Variants in MYO18B observed in about 807,000 individuals in gnomAD.
The protein encoded by MYO18B is myosin XVIIIB, also known as unconventional myosin-XVIIIb.
Under a neutral mutation model 273.0 loss-of-function variants are expected in MYO18B, and 204 were observed. The ratio of observed to expected loss-of-function variants is 0.75; its 90% CI spans 0.67 to 0.84. The LOEUF is 0.84. Among genes scored for constraint, MYO18B ranks in the 40% least tolerant of loss-of-function variants. MYO18B has a pLI of 0.00. For missense variants in MYO18B, 3,212 were observed against 3,287.6 expected (o/e 0.98, Z 0.56); for synonymous variants, 1,330 against 1,305.7 (o/e 1.02, Z -0.40).
In MYO18B at chr22:26,027,050, C is replaced by T. The variant is rs746195236; in HGVS notation, c.7076C>T (p.Pro2359Leu). The change falls in exon 43 of 44, where the codon CCG (proline) becomes CTG (leucine). Residue 2359 changes from proline (P) to leucine (L), a missense_variant. Physicochemically the swap from Pro to Leu is moderately conservative, Grantham distance 98 (BLOSUM62 -3). Coordinates refer to ENST00000335473, the MANE Select transcript of MYO18B (RefSeq NM_032608.7). This position sits in a 1 kb window ranked among gnomAD's most constrained non-coding sequence, Gnocchi z 4.1. ...SSCESLLESR[P>L]SMGRKLSSPT... The stretch of plus-strand genomic sequence containing the variant: ...TGCGAGTCCCTCTTAGAATCCAGAC[C>T]GAGCATGGGGAGAAAACTGAGCTCT... 1.8e-5 allele frequency: 29 copies of T among 1,613,866 alleles called. No homozygotes were observed. In the Middle Eastern group the frequency reaches 4.9e-4, roughly 27 times the overall value.
intron 40 of MYO18B, among the ~76,000 whole-genome samples, chr22:25,998,526 C>T (rs999009333): frequency 3.3e-5 from 5 of 152,220 alleles, no homozygotes; most frequent in South Asian, 2.1e-4. Flanking sequence ...CATTTTCCAA[C>T]GTACATCCTT....
At chr22:25,807,723 G>A (rs5752217) in intron 12 of MYO18B, among the ~76,000 whole-genome samples, 10,010 of 152,112 alleles carry the variant, frequency 0.066, 575 homozygotes, top group East Asian at 0.21. Flanking sequence ...GGTAAGAATC[G>A]TGTCACAATT....
chr22:26,006,463 TG>T, intron 42 of MYO18B: 1 of 317,870 alleles, frequency 3.1e-6, no homozygotes, highest in Non-Finnish European at 6.4e-6. Context: ...ATCAGTGTTC[TG>T]GCTGCTTCCA....
At position 25,978,885 on chromosome 22, in the gene MYO18B, T is replaced by A. The variant is rs532179819; in HGVS notation, c.6157-13478T>A. ...TTGCTTGAATCTGGGAGGCAGAGGT[T>A]GCAGTGAGCCGAGATTGCTTCACTG... On this transcript the variant is annotated intron_variant, in intron 39 of 43. Coordinates refer to ENST00000335473, the MANE Select transcript of MYO18B (RefSeq NM_032608.7). Among the ~76,000 whole-genome samples, 8 of 152,300 alleles carry A rather than the reference T, an allele frequency of 5.3e-5. No homozygotes were observed. The East Asian group carries it at 1.5e-3, about 29-fold the overall frequency.
intron 32 of MYO18B, among the ~76,000 whole-genome samples, chr22:25,910,725 G>A (rs751767517): frequency 6.6e-6 from 1 of 152,158 alleles, no homozygotes; most frequent in Non-Finnish European, 1.5e-5. Context: ...AGGGCAAGGG[G>A]TTCCCCATCA....
rs747371618 is a variant in MYO18B, at chr22:25,868,379, C to T, written c.3945C>T (p.His1315=). ...DLEKKAVAVG[H]SQVFLKAGVI... ...AAAAGAAGGCGGTGGCTGTGGGGCA[C>T]AGCCAAGTGAGTAGAGCTGCTTTCT... Residue 1315 remains histidine (H), a synonymous_variant, in exon 22 of 44, where the codon CAC becomes CAT. Transcript: ENST00000335473. 4.4e-6 allele frequency: 7 copies of T among 1,596,946 alleles called. No homozygotes were observed. The highest frequency in any genetic ancestry group is 6.0e-6 in the Non-Finnish European group (7 of 1,171,628).
intron 42 of MYO18B, among the ~76,000 whole-genome samples, chr22:26,005,639 G>T (rs1410882944): frequency 6.6e-6 from 1 of 152,164 alleles, no homozygotes; most frequent in African/African-American, 2.4e-5. Context: ...AGAAATTATG[G>T]ATTAAGATAT....
chr22:25,958,811 A>G lies in MYO18B; in HGVS notation c.6156+3447A>G, dbSNP rs2092884151. Among the ~76,000 whole-genome samples, 5 of 152,196 alleles carry G rather than the reference A, an allele frequency of 3.3e-5. No individual in the cohort carries two copies. The South Asian group carries it at 8.3e-4, about 25-fold the overall frequency. On this transcript the variant is annotated intron_variant, in intron 39 of 43. Coordinates refer to ENST00000335473, the MANE Select transcript of MYO18B (RefSeq NM_032608.7). The stretch of plus-strand genomic sequence containing the variant: ...CCATCTGTTCATGTCTATGCCACCA[A>G]CTTGCCTTCCCTCATCCCATTTCTA...
At chr22:25,763,149 G>A in intron 2 of MYO18B, 82 bp from the exon 3 acceptor site, 1 of 1,533,162 alleles carries the variant, frequency 6.5e-7, no homozygotes, top group South Asian at 1.1e-5. Context: ...CCCCTCCCAG[G>A]CTCCATCACA....
At chr22:25,875,505 TC>T (rs11401468) in intron 23 of MYO18B, among the ~76,000 whole-genome samples, 6,473 of 150,820 alleles carry the variant, frequency 0.043, 205 homozygotes, top group East Asian at 0.17. Context: ...GCTGTTCTGG[TC>T]CCCCCCCCAG....
chr22:25,981,794 G>C (rs2093151333), intron 39 of MYO18B, among the ~76,000 whole-genome samples: 1 of 152,204 alleles, frequency 6.6e-6, no homozygotes, highest in Non-Finnish European at 1.5e-5. Flanking sequence ...GGCTTCTGCT[G>C]TGTTCTCTCT....
chr22:25,846,689 G>A (rs2090256687), intron 19 of MYO18B, among the ~76,000 whole-genome samples: 1 of 152,198 alleles, frequency 6.6e-6, no homozygotes, highest in African/African-American at 2.4e-5. Flanking sequence ...CCTAGACCTG[G>A]AATGTGAATC....
chr22:26,036,997 T>A, the MYO18B span, among the ~76,000 whole-genome samples: 1 of 152,148 alleles, frequency 6.6e-6, no homozygotes, highest in African/African-American at 2.4e-5. Flanking sequence ...AACTCTGGGC[T>A]CTATCTCCAA....
At chr22:25,793,752 T>G (rs1237373654) in intron 11 of MYO18B, among the ~76,000 whole-genome samples, 12 of 152,218 alleles carry the variant, frequency 7.9e-5, no homozygotes, top group African/African-American at 2.4e-4. Flanking sequence ...TATTTTCTTT[T>G]ACCAAATTAC....
chr22:25,893,853 A>G (rs545496758), intron 27 of MYO18B, among the ~76,000 whole-genome samples: 3 of 151,672 alleles, frequency 2.0e-5, no homozygotes, highest in Non-Finnish European at 4.4e-5. Context: ...CCACCTATCC[A>G]TATACCCTAC....
At chr22:25,900,130 C>G (rs2091902829) in intron 29 of MYO18B, 2 of 152,236 alleles carry the variant, frequency 1.3e-5, no homozygotes, top group Non-Finnish European at 2.9e-5. Flanking sequence ...AGGATACCCC[C>G]CAAGCAAAGT....
intron 11 of MYO18B, among the ~76,000 whole-genome samples, chr22:25,792,403 T>C (rs761915642): frequency 4.0e-5 from 6 of 151,536 alleles, no homozygotes; most frequent in Non-Finnish European, 8.8e-5. Context: ...AGCTCCTGGC[T>C]GTGGACTGAC....
chr22:25,794,139 A>G (rs1419280570), intron 11 of MYO18B, among the ~76,000 whole-genome samples: 1 of 151,812 alleles, frequency 6.6e-6, no homozygotes, highest in Non-Finnish European at 1.5e-5. Flanking sequence ...TTCACTGGTT[A>G]ACCAGGATGG....
chr22:26,036,181 G>T, the MYO18B span, among the ~76,000 whole-genome samples: 2 of 152,196 alleles, frequency 1.3e-5, no homozygotes, highest in Non-Finnish European at 2.9e-5. Context: ...AGCTCCTGCT[G>T]CTGTCTTCAG....
Sources: allele counts gnomAD v4.1 joint callset (sites outside exome capture counted in the v4.1 genomes callset), GRCh38; gene constraint gnomAD v4.1.1; non-coding constraint Gnocchi (gnomAD v3.1); transcripts MANE v1.5; gene names NCBI Gene and HGNC (gene_info 2026-07-23, HGNC 2026-07-21).